TRPM3: variants seen among roughly 807,000 people sequenced by gnomAD.
TRPM3 encodes transient receptor potential cation channel subfamily M member 3.
Under a neutral mutation model 181.2 loss-of-function variants are expected in TRPM3, and 77 were observed. That is an observed-to-expected ratio of 0.42 (90% CI 0.35 to 0.51). The LOEUF is 0.51. Ranked by LOEUF, TRPM3 falls within the 20% of genes least tolerant of loss-of-function variation. TRPM3 has a pLI of 0.01. For missense variants in TRPM3, 1,759 were observed against 2,196.7 expected, an observed-to-expected ratio of 0.80 and a Z score of 3.98; for synonymous variants, 745 against 796.4, an observed-to-expected ratio of 0.94 and a Z score of 1.09.
chr9:70,820,494 G>T (rs2093069015), intron 6 of TRPM3, among the ~76,000 whole-genome samples: 1 of 152,148 alleles, frequency 6.6e-6, no homozygotes, highest in African/African-American at 2.4e-5. Flanking sequence ...CTCCCAAAGT[G>T]CTGGGATCAC....
intron 22 of TRPM3, among the ~76,000 whole-genome samples, chr9:70,565,203 TAAC>T (rs890529887): frequency 2.0e-5 from 3 of 152,264 alleles, no homozygotes; most frequent in Admixed American, 6.5e-5. Flanking sequence ...TATAGTGGGC[TAAC>T]AACGTTATTC....
rs1587944558 is a variant in TRPM3 at position 71,205,082 on chromosome 9, A to T, written c.183+241571T>A. On this transcript the variant is annotated intron_variant, in intron 1 of 24. Coordinates refer to the TRPM3 transcript ENST00000357533. ...CTGTTGTGGGGTGGGGGGAGCAGGG[A>T]GGAATTGCATTAGGAGATATACCTA... is the stretch of plus-strand genomic sequence containing the variant. Among the ~76,000 whole-genome samples the T allele has an allele frequency of 2.0e-5, 3 of 152,064 alleles. No individual in the cohort carries two copies. In the South Asian group the frequency reaches 6.2e-4, roughly 32 times the overall value.
chr9:70,774,911 T>A (rs1453554900), intron 7 of TRPM3: 1 of 152,142 alleles, frequency 6.6e-6, no homozygotes, highest in Non-Finnish European at 1.5e-5. Flanking sequence ...CAGACTTGAG[T>A]TAATCTTGAA....
chr9:70,992,118 C>T (rs2097492503), intron 1 of TRPM3, among the ~76,000 whole-genome samples: 1 of 152,178 alleles, frequency 6.6e-6, no homozygotes, highest in South Asian at 2.1e-4. Context: ...TTACAAGTTA[C>T]TTCCTTTAAA....
chr9:71,404,385 T>C (rs2093397656), intron 1 of TRPM3, among the ~76,000 whole-genome samples: 4 of 152,224 alleles, frequency 2.6e-5, no homozygotes, highest in African/African-American at 7.2e-5. Context: ...CAACATAGTA[T>C]AACATGGGAA....
At chr9:71,097,939 G>C (rs1325380291) in intron 1 of TRPM3, among the ~76,000 whole-genome samples, 2 of 152,052 alleles carry the variant, frequency 1.3e-5, no homozygotes, top group Non-Finnish European at 2.9e-5. Flanking sequence ...TGTCCAGCAA[G>C]GGAAAGATGT....
intron 1 of TRPM3, among the ~76,000 whole-genome samples, chr9:71,180,183 T>A (rs2077321755): frequency 6.6e-6 from 1 of 150,772 alleles, no homozygotes; most frequent in Non-Finnish European, 1.5e-5. Flanking sequence ...GCCTCCTGAG[T>A]AGCTGGGATT....
At chr9:70,904,224 A>AAAAAT (rs2096430229) in intron 1 of TRPM3, among the ~76,000 whole-genome samples, 1 of 152,208 alleles carries the variant, frequency 6.6e-6, no homozygotes, top group Non-Finnish European at 1.5e-5. Flanking sequence ...CCCTGTCTCA[A>AAAAAT]AAAATAAAAT....
intron 6 of TRPM3, among the ~76,000 whole-genome samples, chr9:70,808,569 T>C (rs570564337): frequency 1.1e-4 from 16 of 152,242 alleles, no homozygotes; most frequent in Admixed American, 2.6e-4. Flanking sequence ...TAACTTTTCA[T>C]TAACAAGCAT....
At chr9:71,045,298 T>C (rs1308513330) in intron 1 of TRPM3, among the ~76,000 whole-genome samples, 1 of 152,104 alleles carries the variant, frequency 6.6e-6, no homozygotes, top group Non-Finnish European at 1.5e-5. Flanking sequence ...CCTCCTTCCA[T>C]GTCACCTTCT....
At chr9:71,366,796 T>C (rs2092349709) in intron 1 of TRPM3, among the ~76,000 whole-genome samples, 1 of 152,172 alleles carries the variant, frequency 6.6e-6, no homozygotes, top group South Asian at 2.1e-4. Context: ...TCATTACTAT[T>C]AGAGATTATT....
intron 9 of TRPM3, among the ~76,000 whole-genome samples, chr9:70,669,018 T>A (rs923468260): frequency 1.3e-5 from 2 of 152,210 alleles, no homozygotes; most frequent in Admixed American, 6.5e-5. Flanking sequence ...ATTAGCTTAC[T>A]GTGCAGATCA....
chr9:70,668,554 A>G (rs1430579695), intron 9 of TRPM3, among the ~76,000 whole-genome samples: 1 of 151,888 alleles, frequency 6.6e-6, no homozygotes, highest in Non-Finnish European at 1.5e-5. Flanking sequence ...AGTCCCAGCT[A>G]CGCGGGAGGC....
At chr9:70,778,805 A>C (rs537468431) in intron 7 of TRPM3, among the ~76,000 whole-genome samples, 11 of 152,156 alleles carry the variant, frequency 7.2e-5, no homozygotes, top group Non-Finnish European at 1.6e-4. Flanking sequence ...TCAGCTTTAG[A>C]TGGAAATCTC....
intron 22 of TRPM3, among the ~76,000 whole-genome samples, chr9:70,580,830 C>T (rs1451889206): frequency 1.3e-5 from 2 of 152,218 alleles, no homozygotes; most frequent in Admixed American, 6.5e-5. Context: ...TGTGTTCTTT[C>T]CTTTGAGCTA....
At chr9:71,275,371 A>G (rs2084118628) in intron 1 of TRPM3, among the ~76,000 whole-genome samples, 1 of 152,238 alleles carries the variant, frequency 6.6e-6, no homozygotes, top group African/African-American at 2.4e-5. Context: ...TTTTATTGAA[A>G]GATATAAAAG....
At chr9:70,978,099 C>T (rs78146194) in intron 1 of TRPM3, among the ~76,000 whole-genome samples, 2,009 of 152,276 alleles carry the variant, frequency 0.013, 29 homozygotes, top group East Asian at 0.077. Context: ...TACCTAGGGG[C>T]CCTCTAACAG....
intron 1 of TRPM3, among the ~76,000 whole-genome samples, chr9:71,362,383 C>A (rs143423669): frequency 1.3e-5 from 2 of 152,268 alleles, no homozygotes; most frequent in South Asian, 2.1e-4. Context: ...CACCTCAGGG[C>A]CTTCTTTCAG....
chr9:71,007,486 C>A (rs1337851817), intron 1 of TRPM3, among the ~76,000 whole-genome samples: 1 of 151,738 alleles, frequency 6.6e-6, no homozygotes, highest in East Asian at 1.9e-4. Context: ...TAAGTCTTAA[C>A]AAACTTAAAA....
Sources: allele counts gnomAD v4.1 joint callset (sites outside exome capture counted in the v4.1 genomes callset), GRCh38; gene constraint gnomAD v4.1.1; transcripts MANE v1.5; gene names NCBI Gene and HGNC (gene_info 2026-07-23, HGNC 2026-07-21).